Variants in SLC9C2 observed in about 807,000 individuals in gnomAD.
The protein encoded by SLC9C2 is sodium/hydrogen exchanger 11.
In SLC9C2, 75 loss-of-function variants were observed where a neutral mutation model predicts 140.2. The ratio of observed to expected loss-of-function variants is 0.53; its 90% CI spans 0.44 to 0.65. The LOEUF (loss-of-function observed/expected upper bound fraction) is 0.65, where lower values mean the gene tolerates loss of function less well. Among genes scored for constraint, SLC9C2 ranks in the 30% least tolerant of loss-of-function variants. SLC9C2 has a pLI of 0.00. For missense variants in SLC9C2, 1,074 were observed against 1,331.8 expected (o/e 0.81, Z 3.01); for synonymous variants, 375 against 420.9 (o/e 0.89, Z 1.34).
At chr1:173,559,964 G>A (rs1571560675) in intron 9 of SLC9C2, among the ~76,000 whole-genome samples, 1 of 152,042 alleles carries the variant, frequency 6.6e-6, no homozygotes, top group East Asian at 1.9e-4. Context: ...TCTTCACCAT[G>A]GCATAAAATA....
intron 17 of SLC9C2, among the ~76,000 whole-genome samples, chr1:173,532,618 T>C (rs1661658136): frequency 6.6e-6 from 1 of 152,232 alleles, no homozygotes. Flanking sequence ...GAACAAATTT[T>C]ACTGAAACTT....
At chr1:173,520,532 A>G (rs996093656) in intron 22 of SLC9C2, among the ~76,000 whole-genome samples, 3 of 152,192 alleles carry the variant, frequency 2.0e-5, no homozygotes, top group African/African-American at 7.2e-5. Flanking sequence ...TGTTTTGTCA[A>G]TCCCATGCCT....
chr1:173,521,885 CAAAAA>C lies in SLC9C2; in HGVS notation c.2641-491_2641-487del, dbSNP rs58355008. On this transcript the variant is annotated intron_variant, in intron 21 of 27. Transcript: ENST00000367714. ...AAGAAGACAGGGACAGGGCGCTATG[CAAAAA>C]AAAAAAAAAAAAAAAAAATGCAGAA... Among the ~76,000 whole-genome samples, 93 of 76,926 alleles carry C rather than the reference CAAAAA, an allele frequency of 1.2e-3. 3 individuals are homozygous for C. The East Asian group carries it at 0.025, about 21-fold the overall frequency. 50.5% of individuals were successfully genotyped at this position (76,926 alleles called of 152,430 possible). A position where few individuals can be genotyped will look rare whatever the true frequency, so the allele number is the denominator to read the frequency against.
intron 13 of SLC9C2, among the ~76,000 whole-genome samples, chr1:173,539,699 T>C (rs1428137661): frequency 6.6e-6 from 1 of 152,098 alleles, no homozygotes; most frequent in Non-Finnish European, 1.5e-5. Flanking sequence ...TGGACAGAGT[T>C]AATTGTCCTG....
intron 17 of SLC9C2, 83 bp from the exon 18 acceptor site, chr1:173,530,137 A>T: frequency 7.8e-7 from 1 of 1,274,922 alleles, no homozygotes; most frequent in East Asian, 2.4e-5. Context: ...ATAAAGTGTC[A>T]TCTCCAGACC....
At chr1:173,593,364 A>G (rs1382876148) in intron 4 of SLC9C2, among the ~76,000 whole-genome samples, 1 of 152,138 alleles carries the variant, frequency 6.6e-6, no homozygotes, top group Non-Finnish European at 1.5e-5. Context: ...TACTAAAAAT[A>G]CAAAAATTAG....
chr1:173,567,701 A>G (rs1175027344), intron 9 of SLC9C2, among the ~76,000 whole-genome samples: 1 of 151,658 alleles, frequency 6.6e-6, no homozygotes, highest in Non-Finnish European at 1.5e-5. Flanking sequence ...CTATTTTGTT[A>G]TTTGCTTTCT....
At chr1:173,523,937 A>G in intron 21 of SLC9C2, 32 bp downstream of exon 21, 1 of 1,594,400 alleles carries the variant, frequency 6.3e-7, no homozygotes, top group Non-Finnish European at 8.5e-7. Context: ...TTACCATCAA[A>G]CCTGAGCCAG....
intron 25 of SLC9C2, 27 bp from the exon 26 acceptor site, chr1:173,505,358 A>C: frequency 6.4e-7 from 1 of 1,566,702 alleles, no homozygotes; most frequent in Non-Finnish European, 8.8e-7. Flanking sequence ...AAAATTAGTC[A>C]AAAGAGCATT....
intron 4 of SLC9C2, among the ~76,000 whole-genome samples, chr1:173,597,365 C>T (rs1476622258): frequency 6.6e-6 from 1 of 151,556 alleles, no homozygotes; most frequent in Admixed American, 6.6e-5. Flanking sequence ...AAATTTAAAA[C>T]CTTAAATGCA....
chr1:173,547,058 G>A (rs907528534), intron 13 of SLC9C2, among the ~76,000 whole-genome samples: 5 of 151,920 alleles, frequency 3.3e-5, no homozygotes, highest in African/African-American at 1.2e-4. Flanking sequence ...TCTTAATATT[G>A]ACAATAAGTT....
At chr1:173,544,696 T>C (rs1376884365) in intron 13 of SLC9C2, among the ~76,000 whole-genome samples, 1 of 152,214 alleles carries the variant, frequency 6.6e-6, no homozygotes, top group Non-Finnish European at 1.5e-5. Flanking sequence ...GATGAGTTCA[T>C]GTCCTTTGTA....
chr1:173,533,872 A>G (rs925963594), intron 16 of SLC9C2, 75 bp from the exon 17 acceptor site: 41 of 1,426,400 alleles, frequency 2.9e-5, no homozygotes, highest in Non-Finnish European at 3.6e-5. Context: ...AAAATTAACA[A>G]CTAAGTTCTT....
intron 9 of SLC9C2, 75 bp from the exon 10 acceptor site, chr1:173,557,583 A>C (rs1663801288): frequency 1.5e-6 from 2 of 1,345,150 alleles, no homozygotes; most frequent in Non-Finnish European, 2.0e-6. Context: ...GCAAGTACTA[A>C]ATACTAAATT....
chr1:173,578,635 G>C (rs948599811), intron 7 of SLC9C2, among the ~76,000 whole-genome samples: 1 of 152,220 alleles, frequency 6.6e-6, no homozygotes, highest in African/African-American at 2.4e-5. Context: ...TCTGGAGCTA[G>C]AAGTCTAAGA....
intron 9 of SLC9C2, among the ~76,000 whole-genome samples, chr1:173,569,211 C>G (rs1664685704): frequency 6.6e-6 from 1 of 151,964 alleles, no homozygotes; most frequent in South Asian, 2.1e-4. Context: ...TGCATATTTT[C>G]AAATAGCCTG....
intron 9 of SLC9C2, among the ~76,000 whole-genome samples, chr1:173,557,833 C>G (rs918784372): frequency 2.6e-5 from 4 of 152,140 alleles, no homozygotes; most frequent in African/African-American, 9.7e-5. Context: ...ACAAGCTCAT[C>G]TACTCCCTGA....
chr1:173,571,806 T>C (rs911828830), intron 9 of SLC9C2: 1 of 152,226 alleles, frequency 6.6e-6, no homozygotes, highest in Non-Finnish European at 1.5e-5. Context: ...GGTGGTTTGT[T>C]TTCATGTTTT....
intron 9 of SLC9C2, among the ~76,000 whole-genome samples, chr1:173,564,083 A>G (rs1379931632): frequency 1.3e-5 from 2 of 152,112 alleles, no homozygotes; most frequent in Non-Finnish European, 2.9e-5. Flanking sequence ...TATGTACCAC[A>G]TTTTCTTTAC....
Sources: allele counts gnomAD v4.1 joint callset (sites outside exome capture counted in the v4.1 genomes callset), GRCh38; gene constraint gnomAD v4.1.1; transcripts MANE v1.5; gene names NCBI Gene and HGNC (gene_info 2026-07-23, HGNC 2026-07-21).